The following SIPA1L2 variants were observed in gnomAD, a reference collection of about 807,000 sequenced individuals.
SIPA1L2 encodes the protein signal induced proliferation associated 1 like 2.
In SIPA1L2, 56 loss-of-function variants were observed where a neutral mutation model predicts 163.9. That is an observed-to-expected ratio of 0.34 (90% CI 0.28 to 0.43). SIPA1L2 has a LOEUF of 0.43. Ranked by LOEUF, SIPA1L2 falls within the 20% of genes least tolerant of loss-of-function variation. SIPA1L2 has a pLI of 1.00. For missense variants in SIPA1L2, 1,974 were observed against 2,193.5 expected (o/e 0.90, Z 2.00); for synonymous variants, 877 against 865.7 (o/e 1.01, Z -0.23).
intron 3 of SIPA1L2, among the ~76,000 whole-genome samples, chr1:232,501,050 ATTTTT>A (rs60008360): frequency 1.3e-3 from 101 of 78,438 alleles, no homozygotes; most frequent in East Asian, 2.8e-3. Context: ...GCAATGAAGT[ATTTTT>A]TTTTTTTTTT....
At chr1:232,414,051 C>G (rs1227453116) in intron 19 of SIPA1L2, among the ~76,000 whole-genome samples, 1 of 152,202 alleles carries the variant, frequency 6.6e-6, no homozygotes, top group Non-Finnish European at 1.5e-5. Context: ...CCTGGGGCTT[C>G]TAAAATATGC....
intron 1 of SIPA1L2, among the ~76,000 whole-genome samples, chr1:232,627,311 C>T (rs1202706724): frequency 6.6e-6 from 1 of 152,108 alleles, no homozygotes; most frequent in Non-Finnish European, 1.5e-5. Flanking sequence ...GTTTCGATGC[C>T]CAAACACAGT....
intron 10 of SIPA1L2, 86 bp from the exon 11 acceptor site, chr1:232,445,872 A>G: frequency 6.8e-7 from 1 of 1,480,602 alleles, no homozygotes; most frequent in Non-Finnish European, 9.2e-7. Flanking sequence ...CCCTCAACAC[A>G]CATCACATGG....
intron 16 of SIPA1L2, among the ~76,000 whole-genome samples, chr1:232,431,132 T>A (rs1662213387): frequency 6.6e-6 from 1 of 152,178 alleles, no homozygotes; most frequent in South Asian, 2.1e-4. Context: ...CGGCGACATA[T>A]AAAATGCTTC....
intron 1 of SIPA1L2, among the ~76,000 whole-genome samples, chr1:232,628,369 G>C (rs903031115): frequency 1.3e-5 from 2 of 152,130 alleles, no homozygotes; most frequent in African/African-American, 4.8e-5. Flanking sequence ...ACTTAAGAAA[G>C]ACTGCATTTT....
intron 3 of SIPA1L2, among the ~76,000 whole-genome samples, chr1:232,504,939 A>C (rs1218652909): frequency 6.6e-6 from 1 of 152,246 alleles, no homozygotes; most frequent in African/African-American, 2.4e-5. Context: ...TTGAGGCTAA[A>C]AAAATTCATG....
chr1:232,519,313 T>A (rs1387162881), intron 2 of SIPA1L2, among the ~76,000 whole-genome samples: 2 of 152,232 alleles, frequency 1.3e-5, no homozygotes, highest in African/African-American at 4.8e-5. Context: ...CGGCCAATCC[T>A]GCCACCAGTC....
intron 22 of SIPA1L2, 88 bp downstream of exon 22, chr1:232,402,304 C>G: frequency 8.2e-7 from 1 of 1,217,618 alleles, no homozygotes; most frequent in East Asian, 2.5e-5. Context: ...AGTTTTCTTT[C>G]CTGAGTCTTT....
At chr1:232,611,916 C>T (rs1662256230) in intron 1 of SIPA1L2, among the ~76,000 whole-genome samples, 1 of 152,208 alleles carries the variant, frequency 6.6e-6, no homozygotes, top group South Asian at 2.1e-4. Context: ...GCAGCCCCTC[C>T]CATCACAGGC....
intron 22 of SIPA1L2, among the ~76,000 whole-genome samples, chr1:232,400,998 A>G (rs1174861320): frequency 6.6e-6 from 1 of 152,060 alleles, no homozygotes; most frequent in Non-Finnish European, 1.5e-5. Flanking sequence ...TTCACTGTCC[A>G]CCAACACCTC....
chr1:232,415,463 G>A, intron 19 of SIPA1L2, 31 bp downstream of exon 19: 1 of 1,581,362 alleles, frequency 6.3e-7, no homozygotes, highest in Non-Finnish European at 8.6e-7. Context: ...CCCAGGGTAA[G>A]GGGTGAGGCC....
At chr1:232,517,966 G>A (rs910454614) in intron 2 of SIPA1L2, among the ~76,000 whole-genome samples, 14 of 152,092 alleles carry the variant, frequency 9.2e-5, no homozygotes, top group Non-Finnish European at 1.6e-4. Context: ...AGGATCCCTT[G>A]AGCCCAGGAA....
intron 2 of SIPA1L2, among the ~76,000 whole-genome samples, chr1:232,543,638 G>A (rs1241769422): frequency 6.6e-6 from 1 of 152,258 alleles, no homozygotes; most frequent in Non-Finnish European, 1.5e-5. Context: ...CGAGGCTGAG[G>A]AGGGAGGACA....
chr1:232,628,400 T>C (rs1247861128), intron 1 of SIPA1L2, among the ~76,000 whole-genome samples: 2 of 152,226 alleles, frequency 1.3e-5, no homozygotes, highest in Admixed American at 6.5e-5. Flanking sequence ...AATACTCTCT[T>C]ATAACTCTGA....
intron 2 of SIPA1L2, among the ~76,000 whole-genome samples, chr1:232,554,182 T>C (rs1354090008): frequency 6.6e-6 from 1 of 152,246 alleles, no homozygotes; most frequent in Non-Finnish European, 1.5e-5. Context: ...CCTGTCTGTC[T>C]CTCTCAGAGA....
chr1:232,449,636 G>C (rs1320183435), intron 10 of SIPA1L2, among the ~76,000 whole-genome samples: 1 of 151,274 alleles, frequency 6.6e-6, no homozygotes. Flanking sequence ...AAATTATTAA[G>C]AAATAGTATA....
At chr1:232,419,529 TGAGTGAGTTCTCGTGA>T (rs901421270) in intron 18 of SIPA1L2, among the ~76,000 whole-genome samples, 18 of 152,292 alleles carry the variant, frequency 1.2e-4, no homozygotes, top group African/African-American at 3.8e-4. Flanking sequence ...CTCATGATAA[TGAGTGAGTTCTCGTGA>T]GAGTGAGTTC....
At chr1:232,604,848 G>A (rs1661809169) in intron 1 of SIPA1L2, among the ~76,000 whole-genome samples, 1 of 152,088 alleles carries the variant, frequency 6.6e-6, no homozygotes, top group Admixed American at 6.6e-5. Context: ...TATAAGACCT[G>A]TCTGTTTCCA....
chr1:232,416,340 C>T (rs1380191992), intron 18 of SIPA1L2, among the ~76,000 whole-genome samples: 3 of 152,164 alleles, frequency 2.0e-5, no homozygotes, highest in Admixed American at 6.5e-5. Context: ...AAAAAGCAGG[C>T]GAGTCTGCAC....
Sources: allele counts gnomAD v4.1 joint callset (sites outside exome capture counted in the v4.1 genomes callset), GRCh38; gene constraint gnomAD v4.1.1; transcripts MANE v1.5; gene names NCBI Gene and HGNC (gene_info 2026-07-23, HGNC 2026-07-21).